Variants in RWDD3 observed in about 807,000 individuals in gnomAD.
RWDD3 encodes RWD domain containing 3.
RWDD3 carries 30 observed loss-of-function variants against 26.5 expected under a neutral mutation model. The ratio of observed to expected loss-of-function variants is 1.13; its 90% CI spans 0.85 to 1.54. The LOEUF is 1.54. Ranked by LOEUF, RWDD3 falls within the 40% of genes most tolerant of loss-of-function variation. The pLI is 0.00. For missense variants in RWDD3, 296 were observed against 309.1 expected, an observed-to-expected ratio of 0.96 and a Z score of 0.32; for synonymous variants, 113 against 114.5, an observed-to-expected ratio of 0.99 and a Z score of 0.09.
chr1:95,235,351 C>CTTT (rs1166711835), intron 1 of RWDD3, among the ~76,000 whole-genome samples: 3,811 of 41,372 alleles, frequency 0.092, 877 homozygotes, highest in South Asian at 0.14. Context: ...TGCGCCCGGC[C>CTTT]TTTTTTTTTT....
chr1:95,246,711 C>G (rs758574924), intron 3 of RWDD3, 45 bp from the exon 4 acceptor site: 6 of 1,531,966 alleles, frequency 3.9e-6, no homozygotes, highest in Non-Finnish European at 3.6e-6. Flanking sequence ...TAATTATACT[C>G]TGACAAATCT....
intron 1 of RWDD3, chr1:95,239,870 A>G (rs1486126684): frequency 7.8e-6 from 10 of 1,289,750 alleles, no homozygotes; most frequent in Non-Finnish European, 1.0e-5. Flanking sequence ...GACTACCAAC[A>G]TGTTTCTTTC....
chr1:95,235,253 C>T (rs200036064), intron 1 of RWDD3, among the ~76,000 whole-genome samples: 3 of 147,554 alleles, frequency 2.0e-5, no homozygotes, highest in African/African-American at 7.5e-5. Flanking sequence ...AGGGTTTCAC[C>T]GTGTTAGCCA....
intron 1 of RWDD3, among the ~76,000 whole-genome samples, chr1:95,241,722 G>C (rs1196160704): frequency 6.6e-6 from 1 of 152,212 alleles, no homozygotes; most frequent in Non-Finnish European, 1.5e-5. Context: ...TTGCTTGTCA[G>C]TGTGGCTAAA....
chr1:95,246,633 C>G lies in RWDD3; in HGVS notation c.665C>G (p.Thr222Arg). 3 of 1,608,138 alleles carry G rather than the reference C, an allele frequency of 1.9e-6. No homozygotes were observed. Among genetic ancestry groups the G allele is most frequent in the South Asian group, 1.1e-5 (1 of 90,772 alleles). The change falls in exon 3 of 4, where the codon ACA (threonine) becomes AGA (arginine). Residue 222 changes from threonine (T) to arginine (R), a missense_variant. Physicochemically the swap from Thr to Arg is moderately conservative, Grantham distance 71. Transcript: ENST00000370202. ...KEKMISVLFE[T>R]KVQTEHKRFL... ...AAAATGATTAGTGTACTGTTTGAAA[C>G]AAAAGTACAGACAGAACACAAAAGG...
intron 2 of RWDD3, chr1:95,245,995 A>G (rs1449457329): frequency 6.6e-6 from 1 of 152,102 alleles, no homozygotes; most frequent in Non-Finnish European, 1.5e-5. Context: ...TTATATTTTT[A>G]TAAGATTGTA....
At chr1:95,242,766 A>G (rs1680685044) in intron 1 of RWDD3, among the ~76,000 whole-genome samples, 1 of 152,158 alleles carries the variant, frequency 6.6e-6, no homozygotes, top group African/African-American at 2.4e-5. Flanking sequence ...TAAAAATACA[A>G]AAATTAGCTG....
At position 95,244,198 on chromosome 1, in the gene RWDD3, G is replaced by A. The variant is rs1284480072; in HGVS notation, c.86-13G>A. On this transcript the variant is annotated splice_polypyrimidine_tract_variant and intron_variant, in intron 1 of 3. Transcript: ENST00000370202. ...TAATGTACAGCTAATGATTATTTTT[G>A]GATGCCTTCCAGAGACAGATGGGAC... is the stretch of plus-strand genomic sequence containing the variant. The A allele has an allele frequency of 6.2e-7, 1 of 1,607,118 alleles. No individual in the cohort carries two copies. The highest frequency in any genetic ancestry group is 1.3e-5 in the African/African-American group (1 of 74,684).
chr1:95,239,868 A>G (rs1340044273), intron 1 of RWDD3: 4 of 1,289,692 alleles, frequency 3.1e-6, no homozygotes, highest in Non-Finnish European at 4.0e-6. Context: ...TGGACTACCA[A>G]CATGTTTCTT....
Position 95,247,021 on chromosome 1 carries a change from T to C in RWDD3, c.*151T>C, listed in dbSNP as rs1571852935. The C allele has an allele frequency of 2.2e-6, 1 of 452,804 alleles. No homozygotes were observed. The highest frequency in any genetic ancestry group is 2.0e-5 in the African/African-American group (1 of 49,086). 28.0% of individuals were successfully genotyped at this position (452,804 alleles called of 1,614,324 possible). A position where few individuals can be genotyped will look rare whatever the true frequency, so the allele number is the denominator to read the frequency against. ...TCTAACTTCAGGAACAAAAGCCAGT[T>C]CTGTTTTATGAAATATTAAACATGA... On this transcript the variant is annotated 3_prime_UTR_variant, in exon 4 of 4. Coordinates refer to ENST00000370202, the MANE Select transcript of RWDD3 (RefSeq NM_015485.5).
chr1:95,245,092 C>A, intron 2 of RWDD3: 1 of 172,954 alleles, frequency 5.8e-6, no homozygotes, highest in Non-Finnish European at 1.2e-5. Flanking sequence ...GGATAGTCTG[C>A]AAGATTTGTA....
At chr1:95,241,996 G>T (rs1052012800) in intron 1 of RWDD3, among the ~76,000 whole-genome samples, 1 of 152,000 alleles carries the variant, frequency 6.6e-6, no homozygotes, top group Non-Finnish European at 1.5e-5. Context: ...CTATCAACTC[G>T]AGGTAAAGAG....
At chr1:95,243,280 T>G (rs969808520) in intron 1 of RWDD3, 1 of 152,194 alleles carries the variant, frequency 6.6e-6, no homozygotes, top group Admixed American at 6.5e-5. Flanking sequence ...TACATTCAGG[T>G]CTCAGTTGTT....
intron 1 of RWDD3, among the ~76,000 whole-genome samples, chr1:95,237,730 C>G (rs1190143317): frequency 6.6e-6 from 1 of 152,098 alleles, no homozygotes; most frequent in African/African-American, 2.4e-5. Flanking sequence ...ATGGGGTGAC[C>G]TGCCATGTAC....
At chr1:95,234,192 A>C (rs748547811), upstream of RWDD3, 35 of 1,548,618 alleles carry the variant, frequency 2.3e-5, no homozygotes, top group South Asian at 9.5e-5. Flanking sequence ...CGGCTGCGGC[A>C]GCGGAAGGGG....
intron 1 of RWDD3, among the ~76,000 whole-genome samples, chr1:95,235,393 C>T (rs1189640296): frequency 1.1e-4 from 6 of 54,834 alleles, no homozygotes; most frequent in Non-Finnish European, 1.6e-4. Flanking sequence ...GAGTCTTGTT[C>T]TGTCCCCCAG....
At chr1:95,237,014 GT>G (rs1310559141) in intron 1 of RWDD3, among the ~76,000 whole-genome samples, 1 of 152,166 alleles carries the variant, frequency 6.6e-6, no homozygotes, top group Non-Finnish European at 1.5e-5. Flanking sequence ...TTAATTCCAT[GT>G]TCTGGCATCA....
intron 1 of RWDD3, chr1:95,239,715 G>A (rs1680525247): frequency 8.4e-7 from 1 of 1,197,322 alleles, no homozygotes; most frequent in Non-Finnish European, 1.1e-6. Flanking sequence ...TAGTATGACG[G>A]TCACAGTTTT....
intron 1 of RWDD3, chr1:95,239,920 A>G (rs1557720044): frequency 7.0e-6 from 9 of 1,289,680 alleles, no homozygotes; most frequent in Non-Finnish European, 9.1e-6. Context: ...GTAGGTGTTT[A>G]TATGGCACAG....
Sources: gnomAD v4.1 joint callset for allele counts (sites outside exome capture counted in the v4.1 genomes callset) on GRCh38, gnomAD v4.1.1 for gene constraint, MANE v1.5 for transcripts, NCBI Gene and HGNC (gene_info 2026-07-23, HGNC 2026-07-21) for gene names.